Variants in AFG1L observed in about 807,000 individuals in gnomAD.
AFG1L encodes the protein AFG1 like ATPase, also known as AFG1-like ATPase.
AFG1L carries 53 observed loss-of-function variants against 62.2 expected under a neutral mutation model. The ratio of observed to expected loss-of-function variants is 0.85; its 90% CI spans 0.68 to 1.07. AFG1L has a LOEUF of 1.07. Ranked by LOEUF, AFG1L falls within the 50% of genes least tolerant of loss-of-function variation. The pLI is 0.00. For missense variants in AFG1L, 555 were observed against 590.5 expected (o/e 0.94, Z 0.62); for synonymous variants, 228 against 210.3 (o/e 1.08, Z -0.73).
chr6:108,361,975 C>G (rs1022037097), intron 5 of AFG1L, among the ~76,000 whole-genome samples: 1 of 152,062 alleles, frequency 6.6e-6, no homozygotes, highest in Non-Finnish European at 1.5e-5. Context: ...ATTGATGTCT[C>G]AGGTTTCTAG....
At chr6:108,498,906 A>G (rs887604375) in intron 10 of AFG1L, among the ~76,000 whole-genome samples, 11 of 152,082 alleles carry the variant, frequency 7.2e-5, no homozygotes, top group Admixed American at 6.6e-4. Context: ...CCCGGGAGGC[A>G]GAGACTGCAG....
At position 108,370,079 on chromosome 6, in the gene AFG1L, G is replaced by A. The variant is rs571186676; in HGVS notation, c.748+3747G>A. ...TGGCTGGAGAAATGACCCATTTGAG[G>A]TAGCCAGTGGGGCTAGAGTGGAGAG... On this transcript the variant is annotated intron_variant, in intron 6 of 12. Coordinates refer to ENST00000368977, the MANE Select transcript of AFG1L (RefSeq NM_145315.5). Among the ~76,000 whole-genome samples the A allele has an allele frequency of 2.6e-5, 4 of 152,188 alleles. No individual in the cohort carries two copies. In the South Asian group the frequency reaches 6.2e-4, roughly 24 times the overall value.
chr6:108,420,131 A>T (rs1430200950), intron 7 of AFG1L, among the ~76,000 whole-genome samples: 1 of 152,060 alleles, frequency 6.6e-6, no homozygotes, highest in African/African-American at 2.4e-5. Flanking sequence ...CTGCGTTGTC[A>T]CCTGAGTCAG....
intron 8 of AFG1L, among the ~76,000 whole-genome samples, chr6:108,456,099 G>C (rs887678630): frequency 3.9e-5 from 6 of 152,034 alleles, no homozygotes; most frequent in African/African-American, 1.4e-4. Context: ...TTTGCTTCAT[G>C]TATTTTGAAG....
intron 7 of AFG1L, among the ~76,000 whole-genome samples, chr6:108,435,520 A>C (rs1771268570): frequency 1.3e-5 from 2 of 151,986 alleles, no homozygotes; most frequent in Admixed American, 6.6e-5. Flanking sequence ...ACTCTGTCTC[A>C]ACAAAAATTA....
intron 8 of AFG1L, among the ~76,000 whole-genome samples, chr6:108,458,353 T>C (rs1421295298): frequency 6.6e-6 from 1 of 152,156 alleles, no homozygotes; most frequent in Non-Finnish European, 1.5e-5. Context: ...TTTCTTCCTG[T>C]GTTTGTGTTT....
chr6:108,366,420 T>C (rs1779762109), intron 6 of AFG1L, 88 bp downstream of exon 6: 2 of 719,240 alleles, frequency 2.8e-6, no homozygotes, highest in Non-Finnish European at 4.6e-6. Flanking sequence ...AAATGTATTG[T>C]GTTAATAAAT....
intron 10 of AFG1L, among the ~76,000 whole-genome samples, chr6:108,492,920 C>T (rs1221850061): frequency 6.6e-6 from 1 of 151,934 alleles, no homozygotes; most frequent in Non-Finnish European, 1.5e-5. Flanking sequence ...AAATATTAAA[C>T]TAACCAATCA....
chr6:108,390,896 T>C (rs1445003403), intron 6 of AFG1L, among the ~76,000 whole-genome samples: 2 of 151,966 alleles, frequency 1.3e-5, no homozygotes, highest in Admixed American at 1.3e-4. Context: ...CAAAGCTCAG[T>C]TGGAAATGCA....
intron 2 of AFG1L, among the ~76,000 whole-genome samples, chr6:108,324,666 C>A (rs1040924144): frequency 6.6e-6 from 1 of 151,920 alleles, no homozygotes; most frequent in Non-Finnish European, 1.5e-5. Context: ...TTGCCCTTAG[C>A]CTTCTTGGGT....
At chr6:108,363,366 C>T (rs1779620671) in intron 5 of AFG1L, among the ~76,000 whole-genome samples, 1 of 151,946 alleles carries the variant, frequency 6.6e-6, no homozygotes, top group Admixed American at 6.6e-5. Context: ...TGCTCTTCCC[C>T]CTCCTCCCAC....
chr6:108,460,443 G>A (rs549907610), intron 8 of AFG1L, among the ~76,000 whole-genome samples: 1 of 152,064 alleles, frequency 6.6e-6, no homozygotes, highest in Admixed American at 6.5e-5. Flanking sequence ...GACAATCTCT[G>A]CTTTTTGATT....
intron 7 of AFG1L, among the ~76,000 whole-genome samples, chr6:108,403,888 G>T (rs1400028839): frequency 6.6e-6 from 1 of 151,572 alleles, no homozygotes; most frequent in Non-Finnish European, 1.5e-5. Flanking sequence ...AAAATGAATA[G>T]TAACAATTTG....
chr6:108,355,777 G>C (rs1273490570), intron 4 of AFG1L, 22 bp downstream of exon 4: 2 of 1,516,070 alleles, frequency 1.3e-6, no homozygotes, highest in Non-Finnish European at 1.8e-6. Flanking sequence ...TCTGAAAGAA[G>C]TGATTTTTTC....
chr6:108,423,638 A>G (rs936626389), intron 7 of AFG1L, among the ~76,000 whole-genome samples: 1 of 152,100 alleles, frequency 6.6e-6, no homozygotes, highest in African/African-American at 2.4e-5. Context: ...GTTAAATAGT[A>G]TATATAGGTT....
At chr6:108,451,135 CAAGCA>C (rs1274487858) in intron 8 of AFG1L, among the ~76,000 whole-genome samples, 1 of 152,064 alleles carries the variant, frequency 6.6e-6, no homozygotes, top group East Asian at 1.9e-4. Context: ...AGAAAACAAA[CAAGCA>C]AACAAACAAA....
At chr6:108,459,875 C>T (rs1244511847) in intron 8 of AFG1L, among the ~76,000 whole-genome samples, 1 of 152,094 alleles carries the variant, frequency 6.6e-6, no homozygotes, top group Non-Finnish European at 1.5e-5. Flanking sequence ...AGGAATACAT[C>T]CATCAAAATG....
chr6:108,486,223 A>G (rs753363738), intron 10 of AFG1L, among the ~76,000 whole-genome samples: 5 of 152,096 alleles, frequency 3.3e-5, no homozygotes, highest in Non-Finnish European at 7.4e-5. Context: ...TGGTTTTTCT[A>G]TTGCTTACCT....
At chr6:108,515,732 A>G (rs1254107712) in intron 11 of AFG1L, among the ~76,000 whole-genome samples, 2 of 152,194 alleles carry the variant, frequency 1.3e-5, no homozygotes, top group African/African-American at 4.8e-5. Context: ...TGAAAAGATC[A>G]CCAAAATTGA....
Sources: allele counts gnomAD v4.1 joint callset (sites outside exome capture counted in the v4.1 genomes callset), GRCh38; gene constraint gnomAD v4.1.1; transcripts MANE v1.5; gene names NCBI Gene and HGNC (gene_info 2026-07-23, HGNC 2026-07-21).